The following SKAP1 variants were observed in gnomAD, a reference collection of about 807,000 sequenced individuals.
SKAP1 encodes src kinase-associated phosphoprotein 1.
SKAP1 carries 44 observed loss-of-function variants against 58.5 expected under a neutral mutation model. That is an observed-to-expected ratio of 0.75 (90% CI 0.59 to 0.97). The LOEUF (loss-of-function observed/expected upper bound fraction) is 0.97. Ranked by LOEUF, SKAP1 falls within the 50% of genes least tolerant of loss-of-function variation. The pLI is 0.00. For missense variants in SKAP1, 390 were observed against 435.2 expected (o/e 0.90, Z 0.92); for synonymous variants, 127 against 149.7 (o/e 0.85, Z 1.11).
chr17:48,181,191 C>T (rs1041184097), intron 8 of SKAP1, among the ~76,000 whole-genome samples: 3 of 152,072 alleles, frequency 2.0e-5, no homozygotes, highest in Non-Finnish European at 4.4e-5. Flanking sequence ...AATTTTGGTG[C>T]CACCACATAC....
intron 2 of SKAP1, among the ~76,000 whole-genome samples, chr17:48,371,967 C>A (rs535998974): frequency 6.6e-6 from 1 of 152,072 alleles, no homozygotes; most frequent in Non-Finnish European, 1.5e-5. Flanking sequence ...TATACATATG[C>A]ATATACATCA....
At chr17:48,346,427 C>A (rs955268242) in intron 3 of SKAP1, among the ~76,000 whole-genome samples, 3 of 152,062 alleles carry the variant, frequency 2.0e-5, no homozygotes, top group Admixed American at 2.0e-4. Flanking sequence ...AGTTCAAGAT[C>A]AGCCTGGCCA....
chr17:48,319,918 A>G (rs1395866257), intron 4 of SKAP1, among the ~76,000 whole-genome samples: 3 of 152,200 alleles, frequency 2.0e-5, no homozygotes, highest in Non-Finnish European at 4.4e-5. Context: ...GCTTGATAAG[A>G]AAGCTTATGA....
chr17:48,383,880 C>A (rs908170930), intron 2 of SKAP1, among the ~76,000 whole-genome samples: 1 of 151,900 alleles, frequency 6.6e-6, no homozygotes, highest in East Asian at 1.9e-4. Flanking sequence ...TCATCATGCC[C>A]GGCTAATTTT....
In SKAP1 at chr17:48,345,966, G is replaced by A. The variant is rs141733143; in HGVS notation, c.219C>T (p.Ser73=). 77 of 1,613,306 alleles carry A rather than the reference G, an allele frequency of 4.8e-5. No homozygotes were observed. The highest frequency in any genetic ancestry group is 1.3e-4 in the African/African-American group (10 of 74,872). ...ATGTGAGGGACAGGCCAAGAGTCCCGCTGTGATTATCATCAGAGCTGTCCT... is the reference window on the plus strand; with the variant it reads ...ATGTGAGGGACAGGCCAAGAGTCCCACTGTGATTATCATCAGAGCTGTCCT... The part of the protein sequence containing the change: ...IGQDSSDDNH[S]GTLGLSLTSD... The change falls in exon 4 of 13, where the codon AGC becomes AGT. Residue 73 remains serine, a synonymous_variant. Transcript: ENST00000336915.
In SKAP1 at chr17:48,228,172, T is replaced by A. The variant is rs192023409; in HGVS notation, c.281-38672A>T. Among the ~76,000 whole-genome samples the A allele has an allele frequency of 1.0e-3, 157 of 150,828 alleles. 1 individual carries two copies. The highest frequency in any genetic ancestry group is 2.9e-3 in the African/African-American group (121 of 41,172). ...ATGTGGGGGTGGGGTAGGGTGTGTGTGAGAGAGAGAGAGAGAAAGACAAAG... is the reference window on the plus strand; with the variant it reads ...ATGTGGGGGTGGGGTAGGGTGTGTGAGAGAGAGAGAGAGAGAAAGACAAAG... On this transcript the variant is annotated intron_variant, in intron 4 of 12. Transcript: ENST00000336915.
At chr17:48,413,140 A>G (rs1422546433) in intron 1 of SKAP1, among the ~76,000 whole-genome samples, 1 of 152,060 alleles carries the variant, frequency 6.6e-6, no homozygotes, top group Non-Finnish European at 1.5e-5. Context: ...TTTCCAATTC[A>G]TTTTATGAAG....
At chr17:48,411,821 C>T (rs1489192437) in intron 1 of SKAP1, among the ~76,000 whole-genome samples, 1 of 152,138 alleles carries the variant, frequency 6.6e-6, no homozygotes, top group Non-Finnish European at 1.5e-5. Context: ...ACCAGTACTC[C>T]TCAAAACTGT....
chr17:48,419,610 T>A (rs2067771940), intron 1 of SKAP1, among the ~76,000 whole-genome samples: 1 of 151,992 alleles, frequency 6.6e-6, no homozygotes, highest in Non-Finnish European at 1.5e-5. Flanking sequence ...AGGAGTGTAG[T>A]TTAAGAAGGT....
intron 4 of SKAP1, among the ~76,000 whole-genome samples, chr17:48,244,980 C>G (rs1241547698): frequency 6.6e-6 from 1 of 152,150 alleles, no homozygotes; most frequent in Non-Finnish European, 1.5e-5. Flanking sequence ...TAACTCAATA[C>G]AAAGTCATGC....
intron 10 of SKAP1, among the ~76,000 whole-genome samples, chr17:48,164,744 C>CA (rs1254371436): frequency 6.6e-6 from 1 of 152,012 alleles, no homozygotes; most frequent in African/African-American, 2.4e-5. Context: ...AGAACAGCTC[C>CA]AAAAAAACAG....
Position 48,213,314 on chromosome 17 carries a change from C to T in SKAP1, c.281-23814G>A, listed in dbSNP as rs146979903. ...GCAGTGAGCCGAGATCACACCATTG[C>T]ACTCCAGCCTGGGCAACAAGAGCAA... On this transcript the variant is annotated intron_variant, in intron 4 of 12. Transcript: ENST00000336915. Among the ~76,000 whole-genome samples, 322 of 145,484 alleles carry T rather than the reference C, an allele frequency of 2.2e-3. 2 individuals carry two copies. The highest frequency in any genetic ancestry group is 7.5e-3 in the African/African-American group (297 of 39,486).
intron 3 of SKAP1, among the ~76,000 whole-genome samples, chr17:48,350,391 C>G (rs939035197): frequency 2.0e-5 from 3 of 152,036 alleles, no homozygotes; most frequent in African/African-American, 7.2e-5. Flanking sequence ...GTTTATATGG[C>G]GTGGTTAAAA....
chr17:48,197,564 CT>C (rs2064654934), intron 4 of SKAP1, among the ~76,000 whole-genome samples: 1 of 152,130 alleles, frequency 6.6e-6, no homozygotes, highest in African/African-American at 2.4e-5. Context: ...TGGTATGTGC[CT>C]GTAGTCCCAG....
intron 2 of SKAP1, among the ~76,000 whole-genome samples, chr17:48,369,146 AAAATAAATAAAT>A (rs59376097): frequency 3.4e-5 from 5 of 146,674 alleles, no homozygotes; most frequent in South Asian, 4.3e-4. Context: ...ACTCCATCTC[AAAATAAATAAAT>A]AAATAAATAA....
chr17:48,371,504 C>T (rs897268565), intron 2 of SKAP1, among the ~76,000 whole-genome samples: 1 of 151,682 alleles, frequency 6.6e-6, no homozygotes, highest in Non-Finnish European at 1.5e-5. Context: ...AGACAAACAA[C>T]TGTAGCTATC....
At chr17:48,291,308 T>G (rs995040447) in intron 4 of SKAP1, among the ~76,000 whole-genome samples, 1 of 152,088 alleles carries the variant, frequency 6.6e-6, no homozygotes, top group Non-Finnish European at 1.5e-5. Flanking sequence ...TTGGGGCCAC[T>G]GGTGCTGGAA....
At chr17:48,294,913 T>C (rs967179210) in intron 4 of SKAP1, among the ~76,000 whole-genome samples, 6 of 152,130 alleles carry the variant, frequency 3.9e-5, no homozygotes, top group African/African-American at 1.2e-4. Flanking sequence ...TCCCCATGGC[T>C]CATCTGACAC....
At chr17:48,237,354 A>G (rs1277554062) in intron 4 of SKAP1, among the ~76,000 whole-genome samples, 1 of 152,184 alleles carries the variant, frequency 6.6e-6, no homozygotes, top group Non-Finnish European at 1.5e-5. Context: ...TGTTTGTGAA[A>G]TCACGTAGCT....
Sources: allele counts gnomAD v4.1 joint callset (sites outside exome capture counted in the v4.1 genomes callset), GRCh38; gene constraint gnomAD v4.1.1; transcripts MANE v1.5; gene names NCBI Gene and HGNC (gene_info 2026-07-23, HGNC 2026-07-21).